PREX2: variants seen among roughly 807,000 people sequenced by gnomAD.
PREX2 encodes the protein phosphatidylinositol 3,4,5-trisphosphate-dependent Rac exchanger 2 protein.
A neutral mutation model predicts 203.2 loss-of-function variants in PREX2; 107 were observed. That is an observed-to-expected ratio of 0.53 (90% CI 0.45 to 0.62). The LOEUF (loss-of-function observed/expected upper bound fraction) is 0.62, where lower values mean the gene tolerates loss of function less well. Ranked by LOEUF, PREX2 falls within the 20% of genes least tolerant of loss-of-function variation. The probability of loss-of-function intolerance (pLI) is 0.00; values close to 1 mark genes in which losing one functional copy is unlikely to be tolerated. For synonymous variants in PREX2, 672 were observed against 663.6 expected (o/e 1.01, Z -0.19); for missense variants, 1,777 against 1,955.9 (o/e 0.91, Z 1.72).
At chr8:68,116,043 T>G (rs575517046) in intron 26 of PREX2, 111 bp downstream of exon 26, 41 of 879,106 alleles carry the variant, frequency 4.7e-5, no homozygotes, top group Non-Finnish European at 6.4e-5. Context: ...TAATTGGTCT[T>G]TCACAATAAT....
chr8:67,974,352 G>T (rs754754782), intron 1 of PREX2, among the ~76,000 whole-genome samples: 17 of 152,008 alleles, frequency 1.1e-4, no homozygotes, highest in Non-Finnish European at 2.4e-4. Context: ...AAAAGTAAAA[G>T]AAAAATCTAT....
chr8:68,138,406 T>C lies in PREX2; in HGVS notation c.3985-9T>C. The C allele has an allele frequency of 6.8e-7, 1 of 1,463,966 alleles. No individual in the cohort carries two copies. Among genetic ancestry groups the C allele is most frequent in the Non-Finnish European group, 9.4e-7 (1 of 1,063,678 alleles). The allele number at this position is 1,463,966 out of a possible 1,614,324, so 90.7% of individuals were successfully genotyped here. On this transcript the variant is annotated splice_polypyrimidine_tract_variant and intron_variant, in intron 32 of 39. Transcript: ENST00000288368. ...TCTTGTATTATATATTGTTTTTCTTTCTTTGTAGACAGATGAACAAGCCAT... is the reference window on the plus strand; with the variant it reads ...TCTTGTATTATATATTGTTTTTCTTCCTTTGTAGACAGATGAACAAGCCAT...
At chr8:68,024,664 C>T (rs1178904553) in intron 4 of PREX2, among the ~76,000 whole-genome samples, 4 of 151,962 alleles carry the variant, frequency 2.6e-5, no homozygotes, top group Admixed American at 2.0e-4. Flanking sequence ...ATGGTATTTA[C>T]ATGTGCCATT....
chr8:68,175,038 A>C (rs1024068586), intron 35 of PREX2, among the ~76,000 whole-genome samples: 2 of 152,228 alleles, frequency 1.3e-5, no homozygotes, highest in African/African-American at 2.4e-5. Flanking sequence ...CAATGAAACC[A>C]ACAGGTTATT....
chr8:67,955,306 AG>A (rs1805470775), intron 1 of PREX2, among the ~76,000 whole-genome samples: 1 of 152,110 alleles, frequency 6.6e-6, no homozygotes, highest in South Asian at 2.1e-4. Context: ...ACAGCCCATG[AG>A]CATTGCCTTT....
chr8:68,055,822 T>C lies in PREX2; in HGVS notation c.1094-8T>C, dbSNP rs1808661321. ...TCAGTTACCTCTCCTTTCTTTCATT[T>C]TTGATAGGTTTAAAATTAGGAATGG... On this transcript the variant is annotated splice_polypyrimidine_tract_variant and splice_region_variant and intron_variant, in intron 9 of 39. Transcript: ENST00000288368. The C allele has an allele frequency of 1.9e-6, 3 of 1,607,098 alleles. No homozygotes were observed. The African/African-American group carries it at 4.0e-5, about 22-fold the overall frequency.
At chr8:68,087,843 C>T (rs1351126777) in intron 19 of PREX2, 34 bp downstream of exon 19, 2 of 1,465,628 alleles carry the variant, frequency 1.4e-6, no homozygotes, top group Non-Finnish European at 9.6e-7. Context: ...AACAGCTTTC[C>T]AGCAGGTTTG....
intron 35 of PREX2, among the ~76,000 whole-genome samples, chr8:68,183,528 A>G (rs139350206): frequency 1.6e-4 from 25 of 152,266 alleles, no homozygotes; most frequent in African/African-American, 5.5e-4. Context: ...TTGTGTTGCC[A>G]TTCGAAAATA....
chr8:68,202,161 A>C (rs1021721408), intron 37 of PREX2, among the ~76,000 whole-genome samples: 1 of 152,052 alleles, frequency 6.6e-6, no homozygotes, highest in African/African-American at 2.4e-5. Context: ...CGGCCTCCCA[A>C]AGTGCTGGGA....
chr8:68,032,312 G>A (rs560653168), intron 6 of PREX2, among the ~76,000 whole-genome samples: 2 of 152,270 alleles, frequency 1.3e-5, no homozygotes, highest in South Asian at 2.1e-4. Flanking sequence ...AATAGCTGTC[G>A]TTTTTAAATT....
At chr8:68,166,657 T>G (rs1408821691) in intron 35 of PREX2, among the ~76,000 whole-genome samples, 2 of 152,216 alleles carry the variant, frequency 1.3e-5, no homozygotes, top group African/African-American at 2.4e-5. Flanking sequence ...AAATTTTGCC[T>G]TGATATCTGA....
chr8:68,028,352 C>T (rs773582154), intron 5 of PREX2, among the ~76,000 whole-genome samples: 20 of 151,500 alleles, frequency 1.3e-4, no homozygotes, highest in South Asian at 4.2e-4. Context: ...TATTTGATTC[C>T]GACTTATTTT....
chr8:68,072,068 C>T (rs955387910), intron 13 of PREX2, among the ~76,000 whole-genome samples: 23 of 152,046 alleles, frequency 1.5e-4, no homozygotes, highest in Non-Finnish European at 8.8e-5. Context: ...TATAATGAAA[C>T]CAATTTTGCC....
intron 1 of PREX2, among the ~76,000 whole-genome samples, chr8:67,985,395 T>G (rs1395769210): frequency 6.6e-6 from 1 of 152,216 alleles, no homozygotes; most frequent in Non-Finnish European, 1.5e-5. Context: ...TTTGTCTTAA[T>G]TTTAACACAA....
At chr8:68,025,030 A>G (rs189252591) in intron 4 of PREX2, among the ~76,000 whole-genome samples, 2 of 151,828 alleles carry the variant, frequency 1.3e-5, no homozygotes, top group African/African-American at 4.8e-5. Context: ...TGTTACAATT[A>G]TTGCTTTCTA....
intron 30 of PREX2, among the ~76,000 whole-genome samples, chr8:68,126,388 T>C (rs1202941013): frequency 6.6e-6 from 1 of 152,096 alleles, no homozygotes; most frequent in Non-Finnish European, 1.5e-5. Flanking sequence ...AAGGCAGATG[T>C]TATCTTCATT....
intron 1 of PREX2, among the ~76,000 whole-genome samples, chr8:68,012,174 T>C (rs887530595): frequency 2.0e-5 from 3 of 152,198 alleles, no homozygotes; most frequent in Non-Finnish European, 4.4e-5. Flanking sequence ...AAGAACGCAG[T>C]TCTTTCATAT....
At chr8:68,124,695 A>G (rs994204534) in intron 30 of PREX2, among the ~76,000 whole-genome samples, 3 of 152,122 alleles carry the variant, frequency 2.0e-5, no homozygotes, top group African/African-American at 7.2e-5. Context: ...TTCAAAAAGT[A>G]CTCATTTTAA....
At position 68,121,175 on chromosome 8, in the gene PREX2, G is replaced by A. The variant is rs551970091; in HGVS notation, c.3724+126G>A. On this transcript the variant is annotated intron_variant, in intron 30 of 39. Transcript: ENST00000288368. Reference sequence around the variant, plus strand: ...GTTTCCTTTTGTGAAGAAAATAAAAGTACTGAAAATGGTGAGGGAGGAAGA... The same window carrying A: ...GTTTCCTTTTGTGAAGAAAATAAAAATACTGAAAATGGTGAGGGAGGAAGA... The A allele has an allele frequency of 1.8e-4, 179 of 996,934 alleles. No individual in the cohort carries two copies. The African/African-American group carries it at 2.6e-3, about 15-fold the overall frequency. 61.8% of individuals were successfully genotyped at this position (996,934 alleles called of 1,614,324 possible). A position where few individuals can be genotyped will look rare whatever the true frequency, so the allele number is the denominator to read the frequency against.
Sources: gnomAD v4.1 joint callset for allele counts (sites outside exome capture counted in the v4.1 genomes callset) on GRCh38, gnomAD v4.1.1 for gene constraint, MANE v1.5 for transcripts, NCBI Gene and HGNC (gene_info 2026-07-23, HGNC 2026-07-21) for gene names.